Variants in SLC35D4 observed in about 807,000 individuals in gnomAD.
SLC35D4 encodes the protein solute carrier family 35 member D4.
At chr18:23,421,674 C>CTTTT in the SLC35D4 span, among the ~76,000 whole-genome samples, 18 of 136,416 alleles carry the variant, frequency 1.3e-4, no homozygotes, top group East Asian at 2.5e-3. Flanking sequence ...TTCTTCTCCT[C>CTTTT]TTTTTTTTTT....
chr18:23,393,403 T>C, the SLC35D4 span, among the ~76,000 whole-genome samples: 1 of 152,084 alleles, frequency 6.6e-6, no homozygotes, highest in African/African-American at 2.4e-5. Flanking sequence ...TTAAACACTA[T>C]CTCTTCATTC....
chr18:23,294,988 G>A, the SLC35D4 span, among the ~76,000 whole-genome samples: 1 of 152,154 alleles, frequency 6.6e-6, no homozygotes, highest in South Asian at 2.1e-4. Context: ...ATGGCACTTG[G>A]AAAGACAGGT....
the SLC35D4 span, among the ~76,000 whole-genome samples, chr18:23,359,282 G>A: frequency 6.6e-6 from 1 of 151,902 alleles, no homozygotes; most frequent in Non-Finnish European, 1.5e-5. Context: ...CTACTCAGGA[G>A]GCTGAGGCAG....
the SLC35D4 span, among the ~76,000 whole-genome samples, chr18:23,250,390 A>G: frequency 6.6e-6 from 1 of 152,172 alleles, no homozygotes; most frequent in African/African-American, 2.4e-5. Flanking sequence ...TGACTTGGGA[A>G]ACAGGAGGGT....
chr18:23,400,018 G>A, the SLC35D4 span, among the ~76,000 whole-genome samples: 21 of 152,144 alleles, frequency 1.4e-4, no homozygotes, highest in African/African-American at 5.1e-4. Context: ...AATTGAAAAG[G>A]TTATTTACCC....
chr18:23,374,471 AAG>A, the SLC35D4 span, among the ~76,000 whole-genome samples: 1 of 152,100 alleles, frequency 6.6e-6, no homozygotes, highest in Non-Finnish European at 1.5e-5. Context: ...AAGGGTACAA[AAG>A]AGATATGACA....
chr18:23,394,897 C>T, the SLC35D4 span, among the ~76,000 whole-genome samples: 1 of 147,142 alleles, frequency 6.8e-6, no homozygotes, highest in Non-Finnish European at 1.5e-5. Context: ...GCAGGAGAAT[C>T]ACTTGAACCT....
chr18:23,309,635 C>T, the SLC35D4 span: 2 of 1,560,432 alleles, frequency 1.3e-6, no homozygotes, highest in Non-Finnish European at 1.8e-6. Context: ...CCTGATGAAA[C>T]TCAGTAACTA....
chr18:23,265,671 C>A, the SLC35D4 span, among the ~76,000 whole-genome samples: 6 of 152,106 alleles, frequency 3.9e-5, no homozygotes, highest in Non-Finnish European at 8.8e-5. Context: ...GCTGCCGTGG[C>A]CCCACTGAGA....
chr18:23,400,345 C>T, the SLC35D4 span, among the ~76,000 whole-genome samples: 1 of 152,132 alleles, frequency 6.6e-6, no homozygotes, highest in Non-Finnish European at 1.5e-5. Context: ...TTTTATTGGC[C>T]GGGCATGGTG....
chr18:23,415,643 A>G, the SLC35D4 span, among the ~76,000 whole-genome samples: 1 of 152,254 alleles, frequency 6.6e-6, no homozygotes, highest in African/African-American at 2.4e-5. Flanking sequence ...AAATACAGGA[A>G]GCCTTTAGCA....
At chr18:23,434,223 G>A in the SLC35D4 span, among the ~76,000 whole-genome samples, 1 of 152,012 alleles carries the variant, frequency 6.6e-6, no homozygotes, top group Non-Finnish European at 1.5e-5. Flanking sequence ...CCACTCTCGA[G>A]CTCACCTCCT....
At chr18:23,326,260 A>C in the SLC35D4 span, among the ~76,000 whole-genome samples, 1 of 152,214 alleles carries the variant, frequency 6.6e-6, no homozygotes, top group Non-Finnish European at 1.5e-5. Flanking sequence ...AGACTGGCAA[A>C]TTGGATAAAG....
the SLC35D4 span, among the ~76,000 whole-genome samples, chr18:23,325,888 G>T: frequency 2.6e-5 from 4 of 152,204 alleles, no homozygotes; most frequent in Non-Finnish European, 4.4e-5. Context: ...CTATCAAGAA[G>T]AAAACAATGC....
the SLC35D4 span, among the ~76,000 whole-genome samples, chr18:23,268,660 C>T: frequency 2.2e-4 from 33 of 152,200 alleles, no homozygotes; most frequent in Admixed American, 2.0e-4. Flanking sequence ...TAAATGCAGA[C>T]GCTGGGGCAG....
At chr18:23,319,010 A>C in the SLC35D4 span, among the ~76,000 whole-genome samples, 20 of 151,138 alleles carry the variant, frequency 1.3e-4, no homozygotes, top group East Asian at 3.3e-3. Context: ...TGCCTGGCTA[A>C]TTTTTATATT....
At chr18:23,349,300 G>A in the SLC35D4 span, among the ~76,000 whole-genome samples, 1 of 152,222 alleles carries the variant, frequency 6.6e-6, no homozygotes, top group South Asian at 2.1e-4. Context: ...TGTCTCACAG[G>A]TCTCTGAGGC....
At chr18:23,332,495 T>C in the SLC35D4 span, among the ~76,000 whole-genome samples, 1 of 152,216 alleles carries the variant, frequency 6.6e-6, no homozygotes, top group Non-Finnish European at 1.5e-5. Context: ...TTTGGTATTG[T>C]CAATTTTTTT....
the SLC35D4 span, among the ~76,000 whole-genome samples, chr18:23,414,877 G>A: frequency 6.6e-6 from 1 of 152,130 alleles, no homozygotes; most frequent in Non-Finnish European, 1.5e-5. Context: ...CACTTTGAGA[G>A]GCCATCAGGA....
Sources: gnomAD v4.1 joint callset for allele counts (sites outside exome capture counted in the v4.1 genomes callset) on GRCh38, gnomAD v4.1.1 for gene constraint, MANE v1.5 for transcripts, NCBI Gene and HGNC (gene_info 2026-07-23, HGNC 2026-07-21) for gene names.